Variants in FHIT observed in about 807,000 individuals in gnomAD.
The protein encoded by FHIT is fragile histidine triad diadenosine triphosphatase, also known as bis(5'-adenosyl)-triphosphatase.
A neutral mutation model predicts 17.9 loss-of-function variants in FHIT; 19 were observed. The ratio of observed to expected loss-of-function variants is 1.06; its 90% CI spans 0.74 to 1.56. FHIT has a LOEUF of 1.56. FHIT is among the 40% of genes most tolerant of loss of function. The pLI is 0.00. For synonymous variants in FHIT, 81 were observed against 69.7 expected (o/e 1.16, Z -0.81); for missense variants, 248 against 189.2 (o/e 1.31, Z -1.82).
intron 8 of FHIT, among the ~76,000 whole-genome samples, chr3:59,769,445 C>T (rs1331494746): frequency 6.6e-6 from 1 of 152,192 alleles, no homozygotes; most frequent in African/African-American, 2.4e-5. Flanking sequence ...CTACAAAGTT[C>T]CTTCTCATTG....
intron 4 of FHIT, among the ~76,000 whole-genome samples, chr3:60,632,522 C>T (rs782724102): frequency 4.6e-5 from 7 of 152,076 alleles, no homozygotes; most frequent in African/African-American, 1.2e-4. Flanking sequence ...TCCGCAGGGA[C>T]GTAAAGAGGT....
intron 3 of FHIT, among the ~76,000 whole-genome samples, chr3:60,912,130 T>C (rs1187933824): frequency 6.6e-6 from 1 of 151,980 alleles, no homozygotes; most frequent in African/African-American, 2.4e-5. Context: ...TTATACTGCA[T>C]GGAGGAAAAA....
intron 5 of FHIT, among the ~76,000 whole-genome samples, chr3:60,052,058 T>C (rs1015607975): frequency 9.9e-5 from 15 of 152,080 alleles, no homozygotes; most frequent in African/African-American, 3.6e-4. Context: ...TGGGGAAAAG[T>C]CATACCCCAT....
intron 5 of FHIT, among the ~76,000 whole-genome samples, chr3:60,253,144 T>C (rs1705812638): frequency 6.6e-6 from 1 of 152,216 alleles, no homozygotes. Flanking sequence ...TTTAAGTTTT[T>C]ATTTCCATTC....
At chr3:60,736,311 T>C (rs1365967412) in intron 4 of FHIT, among the ~76,000 whole-genome samples, 1 of 152,092 alleles carries the variant, frequency 6.6e-6, no homozygotes, top group African/African-American at 2.4e-5. Context: ...GAAATAAATA[T>C]ACAAGTACAC....
chr3:59,884,184 A>G (rs1298905100), intron 8 of FHIT, among the ~76,000 whole-genome samples: 2 of 152,232 alleles, frequency 1.3e-5, no homozygotes, highest in African/African-American at 4.8e-5. Flanking sequence ...GGAATTCAAC[A>G]AACATTAACA....
chr3:60,680,918 C>G (rs1487317847), intron 4 of FHIT, among the ~76,000 whole-genome samples: 1 of 152,052 alleles, frequency 6.6e-6, no homozygotes, highest in Non-Finnish European at 1.5e-5. Flanking sequence ...GAGAAGAAAA[C>G]AAAACAAGTG....
Position 60,466,515 on chromosome 3 carries a change from T to C in FHIT, c.103+70345A>G, listed in dbSNP as rs147299670. 1.8e-3 allele frequency among the ~76,000 whole-genome samples: 275 copies of C among 152,202 alleles called. 1 individual carries two copies. The highest frequency in any genetic ancestry group is 6.4e-3 in the African/African-American group (265 of 41,566). Reference sequence around the variant, plus strand: ...CACTATATTAGCTGTGGGTCTGTCATATATGGCTTTTATTGTGTCAAGGTA... The same window carrying C: ...CACTATATTAGCTGTGGGTCTGTCACATATGGCTTTTATTGTGTCAAGGTA... On this transcript the variant is annotated intron_variant, in intron 5 of 9. Transcript: ENST00000492590.
chr3:61,042,694 G>A (rs2033578044), intron 2 of FHIT, among the ~76,000 whole-genome samples: 1 of 151,944 alleles, frequency 6.6e-6, no homozygotes. Flanking sequence ...CAAAAAATTA[G>A]CTAGGTGTGG....
At chr3:60,069,034 C>A (rs565437489) in intron 5 of FHIT, among the ~76,000 whole-genome samples, 3 of 152,060 alleles carry the variant, frequency 2.0e-5, no homozygotes, top group Non-Finnish European at 4.4e-5. Context: ...TAATTGCTAT[C>A]CTAAGGACAA....
rs558993811 is a variant in FHIT at position 59,805,839 on chromosome 3, T to C, written c.349-53518A>G. On this transcript the variant is annotated intron_variant, in intron 8 of 9. Coordinates refer to ENST00000492590, the MANE Select transcript of FHIT (RefSeq NM_002012.4). ...GTACTGAGCATGATGCTGGGTATGC[T>C]ACTCTGTAGACACTACTTCTCTCCC... Among the ~76,000 whole-genome samples, 3 of 152,308 alleles carry C rather than the reference T, an allele frequency of 2.0e-5. No homozygotes were observed. In the South Asian group the frequency reaches 6.2e-4, roughly 32 times the overall value.
At chr3:60,221,499 T>C (rs1003804259) in intron 5 of FHIT, among the ~76,000 whole-genome samples, 9 of 152,194 alleles carry the variant, frequency 5.9e-5, no homozygotes, top group African/African-American at 2.2e-4. Context: ...CGTATCACAT[T>C]ACTCTTCAGC....
chr3:60,073,998 G>C (rs932046977), intron 5 of FHIT, among the ~76,000 whole-genome samples: 1 of 152,050 alleles, frequency 6.6e-6, no homozygotes, highest in African/African-American at 2.4e-5. Context: ...TTTGATATCA[G>C]ACTTGATTTG....
In FHIT at chr3:60,112,191, G is replaced by C. The variant is rs868756652; in HGVS notation, c.104-98039C>G. Among the ~76,000 whole-genome samples, 22 of 152,240 alleles carry C rather than the reference G, an allele frequency of 1.4e-4. No homozygotes were observed. In the Middle Eastern group the frequency reaches 0.01, roughly 71 times the overall value. Reference sequence around the variant, plus strand: ...ATTTAATACAGCAAAGTTGGTGCTGGAGAAATAACTTGGAGGGCTGAAAGT... The same window carrying C: ...ATTTAATACAGCAAAGTTGGTGCTGCAGAAATAACTTGGAGGGCTGAAAGT... On this transcript the variant is annotated intron_variant, in intron 5 of 9. Coordinates refer to ENST00000492590, the MANE Select transcript of FHIT (RefSeq NM_002012.4).
chr3:59,756,280 T>G (rs1172308907), intron 8 of FHIT, among the ~76,000 whole-genome samples: 1 of 152,180 alleles, frequency 6.6e-6, no homozygotes, highest in East Asian at 1.9e-4. Flanking sequence ...CTTATTATAA[T>G]GAGACACTCA....
chr3:61,025,730 G>A (rs566291012), intron 3 of FHIT, among the ~76,000 whole-genome samples: 1 of 152,096 alleles, frequency 6.6e-6, no homozygotes, highest in African/African-American at 2.4e-5. Context: ...CTCAGGTACT[G>A]TTTGTTAATA....
chr3:60,389,649 C>T (rs1701145982), intron 5 of FHIT, among the ~76,000 whole-genome samples: 1 of 152,128 alleles, frequency 6.6e-6, no homozygotes, highest in South Asian at 2.1e-4. Flanking sequence ...ATTAATTACC[C>T]CTCAACATAA....
At chr3:61,050,202 G>A (rs1279015343) in intron 2 of FHIT, among the ~76,000 whole-genome samples, 2 of 152,062 alleles carry the variant, frequency 1.3e-5, no homozygotes, top group Non-Finnish European at 2.9e-5. Flanking sequence ...CATAAAACTA[G>A]GATGGGAATA....
At chr3:59,799,202 A>G (rs1391524061) in intron 8 of FHIT, among the ~76,000 whole-genome samples, 1 of 152,248 alleles carries the variant, frequency 6.6e-6, no homozygotes, top group African/African-American at 2.4e-5. Context: ...TACATATGTG[A>G]TATTTGCAAC....
Sources: gnomAD v4.1 joint callset for allele counts (sites outside exome capture counted in the v4.1 genomes callset) on GRCh38, gnomAD v4.1.1 for gene constraint, MANE v1.5 for transcripts, NCBI Gene and HGNC (gene_info 2026-07-23, HGNC 2026-07-21) for gene names.